EFNA5: variants seen among roughly 807,000 people sequenced by gnomAD.
EFNA5 encodes ephrin-A5.
Under a neutral mutation model 22.9 loss-of-function variants are expected in EFNA5, and 5 were observed. The observed-to-expected ratio is 0.22, with a 90% CI of 0.11 to 0.46. EFNA5 has a LOEUF of 0.46. EFNA5 is among the 20% of genes least tolerant of loss of function. The pLI, the probability that EFNA5 is intolerant of heterozygous loss-of-function variation, is 0.99. For synonymous variants in EFNA5, 113 were observed against 112.2 expected, an observed-to-expected ratio of 1.01 and a Z score of -0.04; for missense variants, 237 against 293.3, an observed-to-expected ratio of 0.81 and a Z score of 1.40.
chr5:107,650,499 CAG>C (rs1312230818), intron 1 of EFNA5, among the ~76,000 whole-genome samples: 3 of 152,140 alleles, frequency 2.0e-5, no homozygotes, highest in African/African-American at 4.8e-5. Context: ...CAAAATAACG[CAG>C]AGTCACTTCA....
chr5:107,470,920 C>T (rs1750121444), intron 1 of EFNA5, among the ~76,000 whole-genome samples: 1 of 152,012 alleles, frequency 6.6e-6, no homozygotes, highest in Admixed American at 6.6e-5. Flanking sequence ...TCTTTTTTAT[C>T]TCTTTTCTTC....
At chr5:107,570,232 C>T (rs925740117) in intron 1 of EFNA5, among the ~76,000 whole-genome samples, 6 of 152,222 alleles carry the variant, frequency 3.9e-5, no homozygotes, top group Admixed American at 3.9e-4. Context: ...ATGCCCTGAA[C>T]TGGCCTTCAG....
chr5:107,435,800 G>C (rs1749096081), intron 1 of EFNA5, among the ~76,000 whole-genome samples: 1 of 152,192 alleles, frequency 6.6e-6, no homozygotes, highest in Non-Finnish European at 1.5e-5. Flanking sequence ...CCTGGAGTTG[G>C]TGCTGTGTTT....
chr5:107,602,462 G>A (rs1193576793), intron 1 of EFNA5, among the ~76,000 whole-genome samples: 1 of 152,192 alleles, frequency 6.6e-6, no homozygotes, highest in African/African-American at 2.4e-5. Context: ...AGAAGGGAAA[G>A]TGGAATTGCT....
At chr5:107,661,361 T>C (rs961522499) in intron 1 of EFNA5, among the ~76,000 whole-genome samples, 3 of 152,138 alleles carry the variant, frequency 2.0e-5, no homozygotes, top group Non-Finnish European at 4.4e-5. Context: ...GGTGAGAAAC[T>C]TAAAATGAAA....
At chr5:107,421,796 C>T (rs1448692225) in intron 2 of EFNA5, among the ~76,000 whole-genome samples, 2 of 144,160 alleles carry the variant, frequency 1.4e-5, no homozygotes, top group African/African-American at 2.5e-5. Flanking sequence ...TTCTTTCTTT[C>T]TTTTTTTTTT....
intron 1 of EFNA5, among the ~76,000 whole-genome samples, chr5:107,529,734 T>G (rs2112450785): frequency 6.6e-6 from 1 of 152,300 alleles, no homozygotes; most frequent in East Asian, 1.9e-4. Flanking sequence ...CTTCAATTCA[T>G]TTTTCTCCTC....
intron 1 of EFNA5, among the ~76,000 whole-genome samples, chr5:107,536,212 A>G (rs149154): frequency 0.055 from 8,407 of 152,264 alleles, 784 homozygotes; most frequent in African/African-American, 0.19. Flanking sequence ...GTTTAATAAT[A>G]AGACATTAAA....
intron 2 of EFNA5, among the ~76,000 whole-genome samples, chr5:107,404,063 A>G (rs933200393): frequency 2.6e-5 from 4 of 152,236 alleles, no homozygotes; most frequent in African/African-American, 9.6e-5. Flanking sequence ...ATATAATCCA[A>G]CTTATGACCT....
chr5:107,454,654 A>G (rs1371492177), intron 1 of EFNA5, among the ~76,000 whole-genome samples: 1 of 152,190 alleles, frequency 6.6e-6, no homozygotes, highest in Non-Finnish European at 1.5e-5. Context: ...ATATGCAAAT[A>G]CTAACATTTT....
intron 1 of EFNA5, among the ~76,000 whole-genome samples, chr5:107,466,255 T>C (rs1279185871): frequency 6.6e-6 from 1 of 152,058 alleles, no homozygotes; most frequent in Non-Finnish European, 1.5e-5. Context: ...GGCTCATAAG[T>C]CGTGTTAAGC....
chr5:107,645,216 A>G lies in EFNA5; in HGVS notation c.125+25273T>C, dbSNP rs76362976. On this transcript the variant is annotated intron_variant, in intron 1 of 4. Coordinates refer to ENST00000333274, the MANE Select transcript of EFNA5 (RefSeq NM_001962.3). Reference sequence around the variant, plus strand: ...TGGGTTAAATACATCCAGAAAATATATATCTATTATGTGAAAAGCTTCAAA... The same window carrying G: ...TGGGTTAAATACATCCAGAAAATATGTATCTATTATGTGAAAAGCTTCAAA... Among the ~76,000 whole-genome samples the G allele has an allele frequency of 3.3e-3, 497 of 152,276 alleles. 4 individuals carry two copies. Among genetic ancestry groups the G allele is most frequent in the African/African-American group, 0.011 (440 of 41,554 alleles).
chr5:107,420,522 TAAAAAA>T (rs368304882), intron 2 of EFNA5, among the ~76,000 whole-genome samples: 22,978 of 109,280 alleles, frequency 0.21, 2,395 homozygotes, highest in South Asian at 0.4. Flanking sequence ...TCTGTGCTTT[TAAAAAA>T]AAAAAAAAAA....
intron 2 of EFNA5, among the ~76,000 whole-genome samples, chr5:107,406,854 C>A (rs1748236633): frequency 6.6e-6 from 1 of 152,110 alleles, no homozygotes; most frequent in South Asian, 2.1e-4. Flanking sequence ...AAGACAACAT[C>A]ACCTCAAGAA....
chr5:107,490,161 T>C (rs1011290118), intron 1 of EFNA5, among the ~76,000 whole-genome samples: 1 of 152,216 alleles, frequency 6.6e-6, no homozygotes, highest in Non-Finnish European at 1.5e-5. Context: ...TAAACCCGCT[T>C]TGTATAACTT....
chr5:107,405,095 T>C (rs1580428975), intron 2 of EFNA5, among the ~76,000 whole-genome samples: 1 of 152,158 alleles, frequency 6.6e-6, no homozygotes, highest in African/African-American at 2.4e-5. Context: ...AGTAACCTAA[T>C]GTTCCAAGAA....
At chr5:107,439,153 A>C (rs781265471) in intron 1 of EFNA5, among the ~76,000 whole-genome samples, 3 of 152,116 alleles carry the variant, frequency 2.0e-5, no homozygotes, top group African/African-American at 4.8e-5. Flanking sequence ...ATTAAGGTTA[A>C]ATGAAGTCAC....
intron 1 of EFNA5, among the ~76,000 whole-genome samples, chr5:107,448,866 T>TAAATAAATAAAATA (rs111606856): frequency 0.14 from 20,037 of 139,832 alleles, 1,668 homozygotes; most frequent in East Asian, 0.31. Context: ...AATAAATAAA[T>TAAATAAATAAAATA]AAATAAAATA....
chr5:107,563,759 C>T (rs557852147), intron 1 of EFNA5, among the ~76,000 whole-genome samples: 5 of 152,262 alleles, frequency 3.3e-5, no homozygotes, highest in African/African-American at 1.2e-4. Flanking sequence ...TTTTCCTTTC[C>T]TTGAGTCTCC....
Sources: allele counts gnomAD v4.1 joint callset (sites outside exome capture counted in the v4.1 genomes callset), GRCh38; gene constraint gnomAD v4.1.1; transcripts MANE v1.5; gene names NCBI Gene and HGNC (gene_info 2026-07-23, HGNC 2026-07-21).